The following ZNF608 variants were observed in gnomAD, a reference collection of about 807,000 sequenced individuals.
ZNF608 encodes the protein renal carcinoma antigen NY-REN-36.
In ZNF608, 12 loss-of-function variants were observed where a neutral mutation model predicts 109.0. That is an observed-to-expected ratio of 0.11 (90% CI 0.07 to 0.18). The LOEUF is 0.18. Among genes scored for constraint, ZNF608 ranks in the 10% least tolerant of loss-of-function variants. The pLI is 1.00. For missense variants in ZNF608, 1,707 were observed against 1,879.3 expected (o/e 0.91, Z 1.70); for synonymous variants, 732 against 717.4 (o/e 1.02, Z -0.33).
At chr5:124,712,211 G>A (rs1043637602) in intron 2 of ZNF608, among the ~76,000 whole-genome samples, 3 of 152,140 alleles carry the variant, frequency 2.0e-5, no homozygotes, top group South Asian at 2.1e-4. Flanking sequence ...TGGGGTGGGG[G>A]GATAGGGAGG....
At chr5:124,731,212 GT>G (rs1017123324) in intron 2 of ZNF608, among the ~76,000 whole-genome samples, 4 of 152,090 alleles carry the variant, frequency 2.6e-5, no homozygotes, top group African/African-American at 9.7e-5. Context: ...CAGTGTTATT[GT>G]TTTTTGGGTT....
intron 2 of ZNF608, among the ~76,000 whole-genome samples, chr5:124,738,728 A>G (rs1207351930): frequency 6.6e-6 from 1 of 152,246 alleles, no homozygotes; most frequent in African/African-American, 2.4e-5. Context: ...ATCTTCAAGC[A>G]TAAAAATGAC....
At chr5:124,642,792 G>C (rs776921330) in intron 7 of ZNF608, among the ~76,000 whole-genome samples, 1 of 148,116 alleles carries the variant, frequency 6.8e-6, no homozygotes, top group Non-Finnish European at 1.5e-5. Flanking sequence ...TCTGCCTCTC[G>C]GGCTCAAGCA....
chr5:124,707,551 C>T (rs4563621), intron 2 of ZNF608, among the ~76,000 whole-genome samples: 26,946 of 152,092 alleles, frequency 0.18, 2,608 homozygotes, highest in Admixed American at 0.27. Flanking sequence ...TGCTGGGGCA[C>T]GATTACTTAA....
At chr5:124,670,073 G>A (rs1751651530) in intron 3 of ZNF608, among the ~76,000 whole-genome samples, 2 of 152,158 alleles carry the variant, frequency 1.3e-5, no homozygotes, top group African/African-American at 4.8e-5. Context: ...TGAGTCCTAT[G>A]ACAGGAGTAT....
At chr5:124,685,866 C>T (rs1752392284) in intron 3 of ZNF608, among the ~76,000 whole-genome samples, 1 of 152,138 alleles carries the variant, frequency 6.6e-6, no homozygotes, top group Non-Finnish European at 1.5e-5. Context: ...TAGATTCCCC[C>T]ATACTTCATT....
At chr5:124,663,838 T>TTC (rs1751373662) in intron 3 of ZNF608, among the ~76,000 whole-genome samples, 1 of 152,204 alleles carries the variant, frequency 6.6e-6, no homozygotes, top group African/African-American at 2.4e-5. Flanking sequence ...GAACAATGCT[T>TTC]TCTGTCTTGA....
Position 124,647,672 on chromosome 5 carries a change from C to T in ZNF608, c.2712G>A (p.Leu904=). 1 of 1,614,206 alleles carries T rather than the reference C, an allele frequency of 6.2e-7. No individual in the cohort carries two copies. The highest frequency in any genetic ancestry group is 8.5e-7 in the Non-Finnish European group (1 of 1,180,044). ...PSPSIGSASR[L]ECSTLVNGQA... ...GCCCGTTCACCAAAGTGCTGCATTC[C>T]AGCCTCGAGGCGCTCCCTATGGAAG... Residue 904 remains leucine, a synonymous_variant, in exon 5 of 10, where the codon CTG becomes CTA. Coordinates refer to ENST00000513986, the MANE Select transcript of ZNF608 (RefSeq NM_020747.3).
At chr5:124,652,385 A>C (rs1237469995) in intron 3 of ZNF608, among the ~76,000 whole-genome samples, 1 of 152,218 alleles carries the variant, frequency 6.6e-6, no homozygotes, top group Admixed American at 6.5e-5. Context: ...TAAAATGCTC[A>C]AAACAAATGC....
rs1164681332 is a variant in ZNF608 at position 124,648,190 on chromosome 5, G to A, written c.2194C>T (p.Leu732=). 1.9e-6 allele frequency: 3 copies of A among 1,613,924 alleles called. No homozygotes were observed. Among genetic ancestry groups the A allele is most frequent in the Non-Finnish European group, 2.5e-6 (3 of 1,179,976 alleles). The change falls in exon 5 of 10, where the codon CTG becomes TTG. Residue 732 remains leucine, a synonymous_variant. Transcript: ENST00000513986. ...GGGGCAATGGGCCGGGCACTTTTCA[G>A]TTTAGAGAGGTTTTTGTCCGTTTTG... ...NCKTDKNLSK[L]KSARPIAPAP...
At chr5:124,689,466 C>CAAA (rs112747185) in intron 3 of ZNF608, among the ~76,000 whole-genome samples, 1 of 130,756 alleles carries the variant, frequency 7.6e-6, no homozygotes, top group African/African-American at 2.9e-5. Flanking sequence ...CCCTGTCCCT[C>CAAA]AAAAAAAAAA....
In ZNF608 at chr5:124,646,691, C is replaced by T. The variant is rs201845556; in HGVS notation, c.3693G>A (p.Ser1231=). Reference sequence around the variant, plus strand: ...TCCACAATCTTACTTGTTTAAATCTCGAGGTTGGGTCTACACCTGTCTGCT... The same window carrying T: ...TCCACAATCTTACTTGTTTAAATCTTGAGGTTGGGTCTACACCTGTCTGCT... ...SMKQTGVDPT[S]RFKQDPDSRT... The change falls in exon 5 of 10, where the codon TCG becomes TCA. Residue 1231 remains serine, a synonymous_variant. Coordinates refer to ENST00000513986, the MANE Select transcript of ZNF608 (RefSeq NM_020747.3). The T allele has an allele frequency of 1.7e-5, 28 of 1,609,676 alleles. No homozygotes were observed. Among genetic ancestry groups the T allele is most frequent in the Non-Finnish European group, 2.2e-5 (26 of 1,176,698 alleles).
upstream of ZNF608, chr5:124,748,820 C>G (rs1749724921): frequency 6.6e-6 from 1 of 152,442 alleles, no homozygotes; most frequent in African/African-American, 2.4e-5. Flanking sequence ...GCAAAAGAAG[C>G]TCTCAGCCTC....
chr5:124,705,467 G>A (rs1028325407), intron 2 of ZNF608, among the ~76,000 whole-genome samples: 16 of 152,124 alleles, frequency 1.1e-4, no homozygotes, highest in African/African-American at 3.4e-4. Context: ...GAGATAATCC[G>A]TGCAAAGTGA....
chr5:124,681,621 A>T (rs1435276070), intron 3 of ZNF608, among the ~76,000 whole-genome samples: 1 of 152,148 alleles, frequency 6.6e-6, no homozygotes, highest in Non-Finnish European at 1.5e-5. Flanking sequence ...TTGGCACATG[A>T]CTGTTAAGTC....
intron 2 of ZNF608, among the ~76,000 whole-genome samples, chr5:124,731,775 G>C (rs188185242): frequency 6.6e-6 from 1 of 152,038 alleles, no homozygotes; most frequent in Non-Finnish European, 1.5e-5. Context: ...GCAGCGAGCC[G>C]AGATCGTGCC....
At chr5:124,706,493 T>A (rs1339915865) in intron 2 of ZNF608, among the ~76,000 whole-genome samples, 1 of 152,104 alleles carries the variant, frequency 6.6e-6, no homozygotes, top group Non-Finnish European at 1.5e-5. Flanking sequence ...CAACAACAAA[T>A]CCCTTTCTGA....
At chr5:124,658,680 G>C (rs1751115410) in intron 3 of ZNF608, among the ~76,000 whole-genome samples, 1 of 152,150 alleles carries the variant, frequency 6.6e-6, no homozygotes, top group Admixed American at 6.5e-5. Context: ...TTCCTCATTA[G>C]AGTAGCAGAA....
chr5:124,651,861 G>C (rs943447508), intron 3 of ZNF608, among the ~76,000 whole-genome samples: 4 of 152,236 alleles, frequency 2.6e-5, no homozygotes, highest in African/African-American at 9.6e-5. Context: ...CCCACGGCGC[G>C]CTGGCCGTGC....
Sources: allele counts gnomAD v4.1 joint callset (sites outside exome capture counted in the v4.1 genomes callset), GRCh38; gene constraint gnomAD v4.1.1; transcripts MANE v1.5; gene names NCBI Gene and HGNC (gene_info 2026-07-23, HGNC 2026-07-21).